Variants in ADAMTS17 observed in about 807,000 individuals in gnomAD.
The protein encoded by ADAMTS17 is A disintegrin and metalloproteinase with thrombospondin motifs 17.
Under a neutral mutation model 141.5 loss-of-function variants are expected in ADAMTS17, and 113 were observed. That is an observed-to-expected ratio of 0.80 (90% CI 0.69 to 0.93). ADAMTS17 has a LOEUF of 0.93. ADAMTS17 is among the 40% of genes least tolerant of loss of function. ADAMTS17 has a pLI of 0.00. For synonymous variants in ADAMTS17, 768 were observed against 630.6 expected, an observed-to-expected ratio of 1.22 and a Z score of -3.27; for missense variants, 1,659 against 1,517.9, an observed-to-expected ratio of 1.09 and a Z score of -1.54.
At chr15:100,333,322 G>A (rs541141908) in intron 2 of ADAMTS17, among the ~76,000 whole-genome samples, 6 of 152,234 alleles carry the variant, frequency 3.9e-5, no homozygotes, top group East Asian at 1.9e-4. Flanking sequence ...ATGCAGTTAC[G>A]TGCACAGACT....
intron 4 of ADAMTS17, among the ~76,000 whole-genome samples, chr15:100,272,719 T>C (rs991953823): frequency 2.0e-5 from 3 of 151,162 alleles, no homozygotes; most frequent in Non-Finnish European, 2.9e-5. Flanking sequence ...AGCTAGAACT[T>C]CCAGTGTTAT....
chr15:100,218,338 T>C (rs530201471), intron 7 of ADAMTS17, among the ~76,000 whole-genome samples: 1 of 152,320 alleles, frequency 6.6e-6, no homozygotes, highest in East Asian at 1.9e-4. Context: ...AATAAAATTC[T>C]TGGGAAGAAT....
At chr15:100,111,076 G>A (rs892748393) in intron 13 of ADAMTS17, among the ~76,000 whole-genome samples, 2 of 152,186 alleles carry the variant, frequency 1.3e-5, no homozygotes, top group Admixed American at 6.5e-5. Context: ...ATCTGCCCAC[G>A]AGAAGACTGG....
At chr15:100,317,094 C>T (rs1029316757) in intron 3 of ADAMTS17, among the ~76,000 whole-genome samples, 1 of 152,190 alleles carries the variant, frequency 6.6e-6, no homozygotes, top group Non-Finnish European at 1.5e-5. Flanking sequence ...CACAACACCC[C>T]TTCCTAAAGG....
chr15:100,276,620 G>C (rs2044106184), intron 4 of ADAMTS17, among the ~76,000 whole-genome samples: 1 of 152,036 alleles, frequency 6.6e-6, no homozygotes, highest in African/African-American at 2.4e-5. Flanking sequence ...AACTCTAGCA[G>C]ATTTCCTTCC....
intron 4 of ADAMTS17, among the ~76,000 whole-genome samples, chr15:100,270,931 T>C (rs184484118): frequency 7.3e-4 from 110 of 151,692 alleles, no homozygotes; most frequent in African/African-American, 2.6e-3. Flanking sequence ...CTCTCAGCCA[T>C]CTGGCCAGCG....
chr15:100,005,088 C>T (rs186577852), intron 18 of ADAMTS17, among the ~76,000 whole-genome samples: 1 of 152,168 alleles, frequency 6.6e-6, no homozygotes, highest in Non-Finnish European at 1.5e-5. Context: ...TCACAGTTAA[C>T]GCTTCTCTAA....
At chr15:100,107,253 A>G (rs2036466370) in intron 14 of ADAMTS17, among the ~76,000 whole-genome samples, 1 of 152,128 alleles carries the variant, frequency 6.6e-6, no homozygotes, top group Non-Finnish European at 1.5e-5. Flanking sequence ...TCTGCTAGGC[A>G]CTGAGCAAGC....
At chr15:99,992,808 C>T (rs1487185427) in intron 20 of ADAMTS17, among the ~76,000 whole-genome samples, 3 of 152,218 alleles carry the variant, frequency 2.0e-5, no homozygotes, top group Non-Finnish European at 2.9e-5. Flanking sequence ...TCTGCATGCA[C>T]GTGAAGCAGT....
intron 10 of ADAMTS17, among the ~76,000 whole-genome samples, chr15:100,152,201 C>T (rs2039199229): frequency 6.6e-6 from 1 of 152,172 alleles, no homozygotes; most frequent in East Asian, 1.9e-4. Context: ...TTTTAACCCT[C>T]TTGTTGATCC....
At chr15:100,134,294 C>A (rs909594188) in intron 10 of ADAMTS17, among the ~76,000 whole-genome samples, 2 of 152,232 alleles carry the variant, frequency 1.3e-5, no homozygotes, top group African/African-American at 4.8e-5. Context: ...TCTCCCTCAC[C>A]CCCTCACAGT....
chr15:100,019,309 G>A (rs763519033), intron 18 of ADAMTS17, among the ~76,000 whole-genome samples: 5 of 152,254 alleles, frequency 3.3e-5, no homozygotes, highest in South Asian at 2.1e-4. Flanking sequence ...GGAGGAGAAC[G>A]GGACTAGGGA....
chr15:100,254,170 G>C lies in ADAMTS17; in HGVS notation c.1041C>G (p.Phe347Leu), dbSNP rs776895204. Residue 347 changes from phenylalanine (F) to leucine (L), a missense_variant, in exon 7 of 22, where the codon TTC becomes TTG. Phe to Leu is a conservative substitution (Grantham distance 22, BLOSUM62 0). Transcript: ENST00000268070. ...DAAVFVTRTD[F>L]CVHKDEPCDT... The stretch of plus-strand genomic sequence containing the variant: ...CACACGGTTCATCCTTGTGTACACA[G>C]AAATCTGTCCTAAAAAATAAAAAAG... 1.9e-6 allele frequency: 3 copies of C among 1,613,330 alleles called. No individual in the cohort carries two copies. Among genetic ancestry groups the C allele is most frequent in the African/African-American group, 1.3e-5 (1 of 74,992 alleles).
chr15:100,152,667 T>C lies in ADAMTS17; in HGVS notation c.1418A>G (p.Asn473Ser), dbSNP rs549543095. The C allele has an allele frequency of 3.1e-6, 5 of 1,614,082 alleles. No individual in the cohort carries two copies. Among genetic ancestry groups the C allele is most frequent in the East Asian group, 2.2e-5 (1 of 44,884 alleles). ...HKLPGMHYSA[N>S]EQCQILFGMN... ...GCCAAACAGGATCTGGCACTGCTCG[T>C]TGGCACTGTAGTGCATGCCCGGCAG... is the stretch of plus-strand genomic sequence containing the variant. Residue 473 changes from asparagine to serine, a missense_variant, in exon 10 of 22, where the codon AAC becomes AGC. Transcript: ENST00000268070.
At chr15:100,326,853 G>A (rs1467315070) in intron 3 of ADAMTS17, among the ~76,000 whole-genome samples, 3 of 152,204 alleles carry the variant, frequency 2.0e-5, no homozygotes, top group Non-Finnish European at 2.9e-5. Context: ...CACCCTAAGC[G>A]GAGCCAGGTG....
chr15:100,262,556 T>G, intron 4 of ADAMTS17, 121 bp from the exon 5 acceptor site: 83 of 691,430 alleles, frequency 1.2e-4, no homozygotes, highest in Middle Eastern at 4.3e-4. Context: ...GAAATAGAAA[T>G]AAAGCGTAGA....
chr15:100,333,821 G>A (rs1317274019), intron 2 of ADAMTS17, among the ~76,000 whole-genome samples: 1 of 152,218 alleles, frequency 6.6e-6, no homozygotes, highest in Non-Finnish European at 1.5e-5. Context: ...CTGTGCCTTA[G>A]ACACAAGAGG....
At chr15:100,131,365 T>TAA (rs2038033043) in intron 12 of ADAMTS17, among the ~76,000 whole-genome samples, 1 of 18,350 alleles carries the variant, frequency 5.4e-5, no homozygotes. Flanking sequence ...ACTTAAAGTA[T>TAA]GAAAAAAAAA....
chr15:100,063,323 G>A (rs899709038), intron 15 of ADAMTS17, among the ~76,000 whole-genome samples: 1 of 152,218 alleles, frequency 6.6e-6, no homozygotes, highest in Non-Finnish European at 1.5e-5. Context: ...GTTGGCCAAT[G>A]GCCTGCACTG....
Sources: allele counts gnomAD v4.1 joint callset (sites outside exome capture counted in the v4.1 genomes callset), GRCh38; gene constraint gnomAD v4.1.1; transcripts MANE v1.5; gene names NCBI Gene and HGNC (gene_info 2026-07-23, HGNC 2026-07-21).